Variants in EMSY observed in about 807,000 individuals in gnomAD.
EMSY encodes BRCA2-interacting transcriptional repressor EMSY.
A neutral mutation model predicts 134.6 loss-of-function variants in EMSY; 26 were observed. The ratio of observed to expected loss-of-function variants is 0.19; its 90% CI spans 0.14 to 0.27. EMSY has a LOEUF of 0.27. Ranked by LOEUF, EMSY falls within the 10% of genes least tolerant of loss-of-function variation. The pLI, the probability that EMSY is intolerant of heterozygous loss-of-function variation, is 1.00. For synonymous variants in EMSY, 579 were observed against 577.8 expected, an observed-to-expected ratio of 1.00 and a Z score of -0.03; for missense variants, 1,305 against 1,611.4, an observed-to-expected ratio of 0.81 and a Z score of 3.26.
intron 9 of EMSY, among the ~76,000 whole-genome samples, chr11:76,505,763 A>G (rs1950050272): frequency 6.6e-6 from 1 of 152,044 alleles, no homozygotes; most frequent in South Asian, 2.1e-4. Flanking sequence ...AGGCTGAGGC[A>G]GGAGAATCGC....
At chr11:76,539,528 G>T (rs2136628220) in intron 16 of EMSY, 71 bp from the exon 18 acceptor site, 2 of 1,475,578 alleles carry the variant, frequency 1.4e-6, no homozygotes, top group Non-Finnish European at 1.9e-6. Flanking sequence ...ATAACCTCTG[G>T]GGGTAGACTA....
At chr11:76,509,194 C>G (rs1032080511) in intron 9 of EMSY, among the ~76,000 whole-genome samples, 3 of 151,926 alleles carry the variant, frequency 2.0e-5, no homozygotes, top group Admixed American at 1.3e-4. Context: ...AAAAATGGTG[C>G]CTATAGACTT....
At chr11:76,475,752 C>T (rs376618203) in intron 8 of EMSY, among the ~76,000 whole-genome samples, 16 of 152,300 alleles carry the variant, frequency 1.1e-4, no homozygotes, top group African/African-American at 3.6e-4. Flanking sequence ...ATTGTGCCTG[C>T]AGGACTTCTG....
rs1479378862 is a variant in EMSY, at chr11:76,526,783, A to G, written c.1995+148A>G. The G allele has an allele frequency of 4.3e-5, 34 of 794,466 alleles. No individual in the cohort carries two copies. The East Asian group carries it at 9.1e-4, about 21-fold the overall frequency. 49.2% of individuals were successfully genotyped at this position (794,466 alleles called of 1,614,324 possible). A position where few individuals can be genotyped will look rare whatever the true frequency, so the allele number is the denominator to read the frequency against. ...GTTTGAATGTGTTAATTATTCAAGTATTGTCAAAACTTCATTTATCTTTTC... is the reference window on the plus strand; with the variant it reads ...GTTTGAATGTGTTAATTATTCAAGTGTTGTCAAAACTTCATTTATCTTTTC... On this transcript the variant is annotated intron_variant, in intron 13 of 20. Transcript: ENST00000334736.
intron 13 of EMSY, among the ~76,000 whole-genome samples, chr11:76,527,964 A>G (rs974723531): frequency 6.6e-6 from 1 of 152,000 alleles, no homozygotes; most frequent in African/African-American, 2.4e-5. Context: ...TGTGGATATC[A>G]TTTTACTATA....
At chr11:76,532,543 G>C (rs1207987765) in intron 14 of EMSY, among the ~76,000 whole-genome samples, 1 of 151,968 alleles carries the variant, frequency 6.6e-6, no homozygotes, top group Non-Finnish European at 1.5e-5. Context: ...TCCTAAATGG[G>C]CTTTTTCCCC....
intron 4 of EMSY, among the ~76,000 whole-genome samples, chr11:76,455,577 G>A (rs1389397847): frequency 1.3e-5 from 2 of 151,978 alleles, no homozygotes; most frequent in South Asian, 2.1e-4. Context: ...CTCAAAATAG[G>A]AGTTAAGGCC....
chr11:76,514,819 A>C (rs897311968), intron 10 of EMSY, among the ~76,000 whole-genome samples: 2 of 152,122 alleles, frequency 1.3e-5, no homozygotes, highest in African/African-American at 2.4e-5. Flanking sequence ...CTGTGCTTTT[A>C]AACACTATTA....
intron 9 of EMSY, among the ~76,000 whole-genome samples, chr11:76,504,426 A>G (rs1163653384): frequency 6.6e-6 from 1 of 152,108 alleles, no homozygotes; most frequent in Non-Finnish European, 1.5e-5. Context: ...AAGCACATGA[A>G]AACATGCTAA....
chr11:76,523,223 A>C (rs754757792), exon 12 of EMSY: 1 of 1,613,754 alleles, frequency 6.2e-7, no homozygotes, highest in Non-Finnish European at 8.5e-7. Flanking sequence ...ACAAAAGACT[A>C]CAGGAAAAGG....
chr11:76,445,239 GT>G (rs1947328163), intron 1 of EMSY, 111 bp downstream of exon 1: 1 of 153,120 alleles, frequency 6.5e-6, no homozygotes, highest in Admixed American at 6.5e-5. Flanking sequence ...CCCATCCTCC[GT>G]TGTTTCCTAA....
chr11:76,496,138 A>G (rs1369859694), intron 8 of EMSY, 77 bp from the exon 10 acceptor site: 8 of 1,437,830 alleles, frequency 5.6e-6, no homozygotes, highest in African/African-American at 1.4e-5. Flanking sequence ...TTAAACTATT[A>G]TCTACTATAA....
chr11:76,503,607 A>G (rs1314738666), intron 9 of EMSY, among the ~76,000 whole-genome samples: 1 of 152,196 alleles, frequency 6.6e-6, no homozygotes, highest in Non-Finnish European at 1.5e-5. Context: ...ATACAAAATT[A>G]ACTCAAATGA....
chr11:76,493,674 C>T (rs1169705364), intron 8 of EMSY, among the ~76,000 whole-genome samples: 9 of 152,202 alleles, frequency 5.9e-5, no homozygotes, highest in Non-Finnish European at 1.3e-4. Context: ...AACACTCGTT[C>T]AGGAGACCTT....
chr11:76,545,002 C>T, intron 19 of EMSY, 180 bp downstream of exon 20: 1 of 673,968 alleles, frequency 1.5e-6, no homozygotes, highest in Non-Finnish European at 2.4e-6. Flanking sequence ...GAAATGCACG[C>T]ATTAATATGT....
intron 20 of EMSY, among the ~76,000 whole-genome samples, chr11:76,548,686 A>G (rs1951740414): frequency 6.6e-6 from 1 of 152,212 alleles, no homozygotes; most frequent in African/African-American, 2.4e-5. Context: ...GTCTTACACA[A>G]TTATCAGGTA....
At chr11:76,545,018 GA>G (rs1424160344) in intron 19 of EMSY, 196 bp downstream of exon 20, 4 of 648,228 alleles carry the variant, frequency 6.2e-6, no homozygotes, top group African/African-American at 1.8e-5. Context: ...TATGTAGGAA[GA>G]AAAAAAAGCA....
At chr11:76,503,986 A>G (rs1949979429) in intron 9 of EMSY, among the ~76,000 whole-genome samples, 2 of 148,656 alleles carry the variant, frequency 1.3e-5, no homozygotes, top group Admixed American at 6.7e-5. Flanking sequence ...GGTTTTCACC[A>G]TGTTGGCCAA....
At chr11:76,505,131 A>G (rs1193313328) in intron 9 of EMSY, among the ~76,000 whole-genome samples, 1 of 152,224 alleles carries the variant, frequency 6.6e-6, no homozygotes, top group East Asian at 1.9e-4. Flanking sequence ...ATTACATTGT[A>G]CATTTTAAAT....
Sources: allele counts gnomAD v4.1 joint callset (sites outside exome capture counted in the v4.1 genomes callset), GRCh38; gene constraint gnomAD v4.1.1; transcripts MANE v1.5; gene names NCBI Gene and HGNC (gene_info 2026-07-23, HGNC 2026-07-21).